The following PDGFD variants were observed in gnomAD, a reference collection of about 807,000 sequenced individuals.
PDGFD encodes platelet derived growth factor D.
PDGFD carries 30 observed loss-of-function variants against 44.7 expected under a neutral mutation model. That is an observed-to-expected ratio of 0.67 (90% CI 0.50 to 0.91). The LOEUF (loss-of-function observed/expected upper bound fraction) is 0.91, where lower values mean the gene tolerates loss of function less well. PDGFD is among the 40% of genes least tolerant of loss of function. The pLI is 0.00. For missense variants in PDGFD, 445 were observed against 457.8 expected (o/e 0.97, Z 0.25); for synonymous variants, 173 against 168.4 (o/e 1.03, Z -0.21).
chr11:103,917,488 T>C (rs963227225), intron 6 of PDGFD, among the ~76,000 whole-genome samples: 1 of 152,216 alleles, frequency 6.6e-6, no homozygotes, highest in African/African-American at 2.4e-5. Flanking sequence ...CGGTTAGCCT[T>C]TATTTTTGAT....
intron 1 of PDGFD, among the ~76,000 whole-genome samples, chr11:104,050,032 C>T (rs186259519): frequency 3.4e-4 from 52 of 152,058 alleles, no homozygotes; most frequent in African/African-American, 1.0e-3. Flanking sequence ...GAAGGTAGTT[C>T]GGTATGGTTA....
In PDGFD at chr11:104,163,815, AG is replaced by A; in HGVS notation, c.112del (p.Leu38SerfsTer21). 1.3e-6 allele frequency: 2 copies of A among 1,545,820 alleles called. No individual in the cohort carries two copies. Among genetic ancestry groups the A allele is most frequent in the Non-Finnish European group, 1.8e-6 (2 of 1,133,676 alleles). On this transcript the variant is annotated frameshift_variant, in exon 1 of 7. Coordinates refer to ENST00000393158, the MANE Select transcript of PDGFD (RefSeq NM_025208.5). LOFTEE classifies it high-confidence loss of function. The stretch of plus-strand genomic sequence containing the variant: ...AATGAGTCTCTTACCATCTCGCCTG[AG>A]GTTGGCGTTGCGCAAAGCTTTGATG... ...ASIKALRNAN[L>X]RRDESNHLTD... is the part of the protein sequence containing the mutation.
chr11:104,106,812 C>G (rs933253570), intron 1 of PDGFD, among the ~76,000 whole-genome samples: 3 of 151,136 alleles, frequency 2.0e-5, no homozygotes, highest in Non-Finnish European at 2.9e-5. Context: ...GGCATGATCT[C>G]GGCTCATTGC....
intron 1 of PDGFD, among the ~76,000 whole-genome samples, chr11:104,055,889 A>G (rs1860611001): frequency 6.6e-6 from 1 of 152,204 alleles, no homozygotes; most frequent in African/African-American, 2.4e-5. Context: ...ACAAAAAACA[A>G]GAACAGAAAT....
At chr11:104,146,715 C>T (rs1375150263) in intron 1 of PDGFD, among the ~76,000 whole-genome samples, 1 of 152,130 alleles carries the variant, frequency 6.6e-6, no homozygotes, top group African/African-American at 2.4e-5. Flanking sequence ...AGACGTTTTC[C>T]TCCTGCTATG....
chr11:103,991,127 A>C (rs1859444618), intron 3 of PDGFD, among the ~76,000 whole-genome samples: 1 of 149,480 alleles, frequency 6.7e-6, no homozygotes, highest in African/African-American at 2.5e-5. Flanking sequence ...CGACAGAAAG[A>C]GACTCCAACT....
At chr11:104,011,833 T>A (rs985507717) in intron 1 of PDGFD, among the ~76,000 whole-genome samples, 1 of 152,034 alleles carries the variant, frequency 6.6e-6, no homozygotes, top group African/African-American at 2.4e-5. Flanking sequence ...AATGAAGAAA[T>A]AATATCACAT....
intron 3 of PDGFD, among the ~76,000 whole-genome samples, chr11:103,981,352 T>C (rs1407271040): frequency 1.3e-5 from 2 of 151,606 alleles, no homozygotes; most frequent in Admixed American, 6.6e-5. Context: ...TCCAAAACTG[T>C]AAGAAATAAA....
chr11:104,068,509 T>C (rs1376428218), intron 1 of PDGFD, among the ~76,000 whole-genome samples: 2 of 152,188 alleles, frequency 1.3e-5, no homozygotes, highest in African/African-American at 2.4e-5. Flanking sequence ...CAATGAAATT[T>C]TGTGACATTT....
intron 3 of PDGFD, among the ~76,000 whole-genome samples, chr11:103,966,012 G>A (rs1859014695): frequency 6.6e-6 from 1 of 152,140 alleles, no homozygotes; most frequent in South Asian, 2.1e-4. Context: ...TTCCAAATAG[G>A]ACAAGGAAAA....
chr11:104,075,377 GT>G (rs10716989), intron 1 of PDGFD, among the ~76,000 whole-genome samples: 40,598 of 147,454 alleles, frequency 0.28, 5,703 homozygotes, highest in East Asian at 0.34. Context: ...ATTTCTCAGT[GT>G]TTTTTTTTTT....
intron 1 of PDGFD, among the ~76,000 whole-genome samples, chr11:104,016,222 A>C (rs751302077): frequency 1.3e-5 from 2 of 152,178 alleles, no homozygotes; most frequent in Non-Finnish European, 2.9e-5. Context: ...TGATTAATTC[A>C]TGGCTTTGCA....
At chr11:104,049,788 G>A (rs1006597556) in intron 1 of PDGFD, among the ~76,000 whole-genome samples, 5 of 152,186 alleles carry the variant, frequency 3.3e-5, no homozygotes, top group African/African-American at 9.6e-5. Context: ...AGTTTAGGAT[G>A]AGGTCTGAGA....
intron 6 of PDGFD, among the ~76,000 whole-genome samples, chr11:103,917,954 A>G (rs1224838151): frequency 6.6e-6 from 1 of 152,126 alleles, no homozygotes; most frequent in African/African-American, 2.4e-5. Context: ...TTCATTTAGA[A>G]TTTTGCCATG....
chr11:104,009,951 T>C (rs566701280), intron 1 of PDGFD, among the ~76,000 whole-genome samples: 2 of 152,148 alleles, frequency 1.3e-5, no homozygotes, highest in Non-Finnish European at 2.9e-5. Context: ...GGTTAACACA[T>C]GTTCCTAGTG....
At chr11:103,991,059 A>C (rs778614646) in intron 3 of PDGFD, among the ~76,000 whole-genome samples, 2 of 152,078 alleles carry the variant, frequency 1.3e-5, no homozygotes, top group Non-Finnish European at 2.9e-5. Flanking sequence ...GAATGGCAGG[A>C]ACCCAGGAGA....
intron 1 of PDGFD, among the ~76,000 whole-genome samples, chr11:104,099,878 T>G (rs1861345786): frequency 6.6e-6 from 1 of 152,060 alleles, no homozygotes; most frequent in Admixed American, 6.6e-5. Context: ...ACGTCTAAGC[T>G]CGTACATGCA....
At chr11:103,949,920 C>A (rs779330233) in intron 3 of PDGFD, among the ~76,000 whole-genome samples, 1 of 152,062 alleles carries the variant, frequency 6.6e-6, no homozygotes, top group South Asian at 2.1e-4. Flanking sequence ...AAAGGGAAAG[C>A]AATGCTTAGA....
intron 1 of PDGFD, among the ~76,000 whole-genome samples, chr11:104,140,804 TTA>T (rs1454180000): frequency 6.6e-6 from 1 of 152,192 alleles, no homozygotes; most frequent in Non-Finnish European, 1.5e-5. Flanking sequence ...ATCCACACAT[TTA>T]GACTTTTCTT....
Sources: gnomAD v4.1 joint callset for allele counts (sites outside exome capture counted in the v4.1 genomes callset) on GRCh38, gnomAD v4.1.1 for gene constraint, MANE v1.5 for transcripts, NCBI Gene and HGNC (gene_info 2026-07-23, HGNC 2026-07-21) for gene names.